The following SNTG1 variants were observed in gnomAD, a reference collection of about 807,000 sequenced individuals.
SNTG1 encodes the protein syntrophin gamma 1.
SNTG1 carries 39 observed loss-of-function variants against 74.7 expected under a neutral mutation model. That is an observed-to-expected ratio of 0.52 (90% confidence interval 0.40 to 0.68). The LOEUF (loss-of-function observed/expected upper bound fraction) is 0.68. Ranked by LOEUF, SNTG1 falls within the 30% of genes least tolerant of loss-of-function variation. The pLI, the probability that SNTG1 is intolerant of heterozygous loss-of-function variation, is 0.00. For missense variants in SNTG1, 685 were observed against 609.5 expected (o/e 1.12, Z -1.30); for synonymous variants, 254 against 217.1 (o/e 1.17, Z -1.49).
intron 13 of SNTG1, among the ~76,000 whole-genome samples, chr8:50,651,559 G>A (rs1323472381): frequency 6.6e-6 from 1 of 151,790 alleles, no homozygotes; most frequent in Non-Finnish European, 1.5e-5. Flanking sequence ...CCAGGTTCAA[G>A]CGATTCTCCT....
At chr8:50,094,696 A>C (rs893025770) in intron 1 of SNTG1, among the ~76,000 whole-genome samples, 8 of 152,216 alleles carry the variant, frequency 5.3e-5, no homozygotes, top group Non-Finnish European at 2.9e-5. Flanking sequence ...TACATGTTGC[A>C]GAGACAAGGG....
intron 13 of SNTG1, among the ~76,000 whole-genome samples, chr8:50,626,510 T>C (rs2094957259): frequency 6.6e-6 from 1 of 152,226 alleles, no homozygotes; most frequent in Non-Finnish European, 1.5e-5. Context: ...TTGACTCACA[T>C]ATTTATTGAC....
chr8:50,517,185 C>T (rs1043707560), intron 9 of SNTG1, among the ~76,000 whole-genome samples: 3 of 152,138 alleles, frequency 2.0e-5, no homozygotes, highest in African/African-American at 7.2e-5. Flanking sequence ...ATTACATATC[C>T]AGCCAAACTA....
chr8:50,398,879 A>G lies in SNTG1; in HGVS notation c.28-3331A>G, dbSNP rs532188037. Among the ~76,000 whole-genome samples the G allele has an allele frequency of 1.8e-4, 27 of 152,306 alleles. No individual in the cohort carries two copies. In the South Asian group the frequency reaches 5.6e-3, roughly 32 times the overall value. ...CAGGAGGCAGAGATTGTAGTGAGCC[A>G]AGATCGCTCCACTGCACTCCAGCCT... On this transcript the variant is annotated intron_variant, in intron 3 of 18. Transcript: ENST00000642720.
chr8:50,594,207 A>G (rs1182575608), intron 13 of SNTG1, among the ~76,000 whole-genome samples: 4 of 152,204 alleles, frequency 2.6e-5, no homozygotes, highest in African/African-American at 9.6e-5. Flanking sequence ...CCAGACAACC[A>G]GGCCTACATC....
intron 1 of SNTG1, among the ~76,000 whole-genome samples, chr8:49,950,184 T>G (rs1437995830): frequency 6.6e-6 from 1 of 152,180 alleles, no homozygotes; most frequent in Non-Finnish European, 1.5e-5. Context: ...AAAGGAAAGT[T>G]CAAAGGACAA....
intron 1 of SNTG1, among the ~76,000 whole-genome samples, chr8:50,162,577 AG>A (rs756879570): frequency 1.2e-4 from 18 of 146,534 alleles, no homozygotes; most frequent in South Asian, 6.6e-4. Flanking sequence ...AAAAAAAAAA[AG>A]AAAAAAAAAG....
intron 15 of SNTG1, among the ~76,000 whole-genome samples, chr8:50,662,892 A>T (rs1001391628): frequency 6.6e-6 from 1 of 152,210 alleles, no homozygotes; most frequent in East Asian, 1.9e-4. Context: ...CTGTTAATTC[A>T]TATCAGTTAC....
At chr8:50,446,676 CA>C (rs2093411168) in intron 5 of SNTG1, among the ~76,000 whole-genome samples, 1 of 151,716 alleles carries the variant, frequency 6.6e-6, no homozygotes. Flanking sequence ...GACTCCCTCT[CA>C]AAAAAATAAA....
intron 12 of SNTG1, among the ~76,000 whole-genome samples, chr8:50,560,237 G>A (rs1463658675): frequency 6.6e-6 from 1 of 152,198 alleles, no homozygotes; most frequent in East Asian, 1.9e-4. Context: ...TGGCAAGGTT[G>A]CACAGAAAAA....
chr8:50,000,953 T>C (rs918119422), intron 1 of SNTG1, among the ~76,000 whole-genome samples: 1 of 152,196 alleles, frequency 6.6e-6, no homozygotes, highest in Non-Finnish European at 1.5e-5. Flanking sequence ...AAGCCTTTCT[T>C]TTGCCTTCAA....
chr8:49,918,999 C>G (rs1455266654), intron 1 of SNTG1, among the ~76,000 whole-genome samples: 1 of 152,136 alleles, frequency 6.6e-6, no homozygotes, highest in Non-Finnish European at 1.5e-5. Context: ...TATCCGCATT[C>G]TTCAGTGTTG....
At chr8:50,595,524 T>C (rs1313492843) in intron 13 of SNTG1, among the ~76,000 whole-genome samples, 1 of 152,112 alleles carries the variant, frequency 6.6e-6, no homozygotes, top group African/African-American at 2.4e-5. Flanking sequence ...GTTATTCAAA[T>C]AATAGAAAGT....
chr8:50,389,424 C>T (rs534759207), intron 2 of SNTG1, among the ~76,000 whole-genome samples: 1 of 152,294 alleles, frequency 6.6e-6, no homozygotes, highest in African/African-American at 2.4e-5. Flanking sequence ...AATGAACAAT[C>T]TATTTCCTTT....
chr8:50,147,943 A>G (rs2081929079), intron 1 of SNTG1, among the ~76,000 whole-genome samples: 1 of 152,192 alleles, frequency 6.6e-6, no homozygotes, highest in Non-Finnish European at 1.5e-5. Context: ...AAAATAGAGG[A>G]TAAGCATAAT....
intron 2 of SNTG1, among the ~76,000 whole-genome samples, chr8:50,363,751 G>T (rs1388108338): frequency 6.6e-6 from 1 of 152,018 alleles, no homozygotes; most frequent in Non-Finnish European, 1.5e-5. Flanking sequence ...AGTTTTTGTA[G>T]GTCTAAATAA....
chr8:50,421,339 C>T (rs540913619), intron 4 of SNTG1, among the ~76,000 whole-genome samples: 4 of 152,238 alleles, frequency 2.6e-5, no homozygotes, highest in Middle Eastern at 3.4e-3. Flanking sequence ...GTATGCTAAA[C>T]AAGAGGCAAA....
At position 50,792,804 on chromosome 8, in the gene SNTG1, C is replaced by T. The variant is rs149567485; in HGVS notation, c.1529C>T (p.Thr510Met). The change falls in exon 19 of 19, where the codon ACG becomes ATG. Residue 510 changes from threonine (T) to methionine (M), a missense_variant. Physicochemically the swap from Thr to Met is moderately conservative, Grantham distance 81 (BLOSUM62 -1). Coordinates refer to ENST00000642720, the MANE Select transcript of SNTG1 (RefSeq NM_018967.5). ...TCTACTGCTGCCAGCTCTGCTACCA[C>T]GAGCAAAGCAAAGTATACAACTTGA... ...TASTAASSATTSKAKYTT is the reference protein window; with the variant it reads ...TASTAASSATMSKAKYTT 8.1e-5 allele frequency: 131 copies of T among 1,611,854 alleles called. No homozygotes were observed. The highest frequency in any genetic ancestry group is 2.5e-4 in the Admixed American group (15 of 59,802).
At chr8:50,372,414 T>C (rs1315801601) in intron 2 of SNTG1, among the ~76,000 whole-genome samples, 1 of 152,132 alleles carries the variant, frequency 6.6e-6, no homozygotes, top group Non-Finnish European at 1.5e-5. Context: ...CTTGTCCCCA[T>C]GTACATACCA....
Sources: gnomAD v4.1 joint callset for allele counts (sites outside exome capture counted in the v4.1 genomes callset) on GRCh38, gnomAD v4.1.1 for gene constraint, MANE v1.5 for transcripts, NCBI Gene and HGNC (gene_info 2026-07-23, HGNC 2026-07-21) for gene names.